Variants in STK39 observed in about 807,000 individuals in gnomAD.
The protein encoded by STK39 is STE20/SPS1-related proline-alanine-rich protein kinase.
A neutral mutation model predicts 77.8 loss-of-function variants in STK39; 20 were observed. That is an observed-to-expected ratio of 0.26 (90% confidence interval 0.18 to 0.37). The LOEUF is 0.37. Ranked by LOEUF, STK39 falls within the 10% of genes least tolerant of loss-of-function variation. The pLI is 1.00. For missense variants in STK39, 479 were observed against 656.5 expected, an observed-to-expected ratio of 0.73 and a Z score of 2.95; for synonymous variants, 246 against 234.1, an observed-to-expected ratio of 1.05 and a Z score of -0.47.
chr2:167,976,142 C>T (rs1181429783), intron 16 of STK39, among the ~76,000 whole-genome samples: 1 of 152,152 alleles, frequency 6.6e-6, no homozygotes, highest in African/African-American at 2.4e-5. Context: ...GTATAGTCAC[C>T]TTAGAAGATA....
intron 17 of STK39, among the ~76,000 whole-genome samples, chr2:167,960,694 ACCTGGCGTCAC>A (rs1691930110): frequency 6.6e-6 from 1 of 152,052 alleles, no homozygotes; most frequent in Non-Finnish European, 1.5e-5. Flanking sequence ...AGTTATGGTT[ACCTGGCGTCAC>A]TGAAAAGGAA....
At chr2:167,997,439 A>T (rs1683875845) in intron 16 of STK39, among the ~76,000 whole-genome samples, 1 of 152,168 alleles carries the variant, frequency 6.6e-6, no homozygotes, top group Non-Finnish European at 1.5e-5. Context: ...CCTGGAGGCC[A>T]GGCATCCTGC....
intron 2 of STK39, 105 bp downstream of exon 2, chr2:168,181,873 C>T: frequency 1.1e-6 from 1 of 895,104 alleles, no homozygotes; most frequent in South Asian, 1.5e-5. Context: ...CCAAGAAATG[C>T]ATATGTCAAA....
chr2:167,978,584 C>T (rs1321240913), intron 16 of STK39, among the ~76,000 whole-genome samples: 1 of 152,198 alleles, frequency 6.6e-6, no homozygotes, highest in Non-Finnish European at 1.5e-5. Context: ...ATGTAAGCAG[C>T]TTAGGGATGA....
chr2:168,230,884 T>C (rs1229957893), intron 1 of STK39, among the ~76,000 whole-genome samples: 1 of 152,204 alleles, frequency 6.6e-6, no homozygotes, highest in Non-Finnish European at 1.5e-5. Flanking sequence ...CTGCTCAGGT[T>C]TGAGGTCTCT....
chr2:167,997,334 C>T (rs1051758729), intron 16 of STK39, among the ~76,000 whole-genome samples: 3 of 151,840 alleles, frequency 2.0e-5, no homozygotes, highest in Admixed American at 6.6e-5. Flanking sequence ...CTGACTGATA[C>T]GGTATTTTGT....
At chr2:168,243,571 A>C (rs1690826453) in intron 1 of STK39, among the ~76,000 whole-genome samples, 1 of 152,222 alleles carries the variant, frequency 6.6e-6, no homozygotes, top group African/African-American at 2.4e-5. Context: ...ATCCTGCAAA[A>C]ACCCTAAGAA....
rs1208814694 is a variant in STK39 at position 168,207,707 on chromosome 2, T to A, written c.209-25617A>T. On this transcript the variant is annotated intron_variant, in intron 1 of 17. Coordinates refer to ENST00000355999, the MANE Select transcript of STK39 (RefSeq NM_013233.3). ...ATGAACATGACAATGATGCTAATGG[T>A]TAACTAAAATTTACTGAGCAATAAA... Among the ~76,000 whole-genome samples, 3 of 152,348 alleles carry A rather than the reference T, an allele frequency of 2.0e-5. No individual in the cohort carries two copies. The East Asian group carries it at 5.8e-4, about 29-fold the overall frequency.
intron 5 of STK39, among the ~76,000 whole-genome samples, chr2:168,160,090 A>AGG (rs1457019370): frequency 6.6e-6 from 1 of 152,206 alleles, no homozygotes; most frequent in Non-Finnish European, 1.5e-5. Context: ...GCTCAGGGAG[A>AGG]GGCTCGGATC....
intron 1 of STK39, among the ~76,000 whole-genome samples, chr2:168,237,848 A>G (rs185869731): frequency 0.017 from 2,573 of 152,044 alleles, 86 homozygotes; most frequent in African/African-American, 0.059. Context: ...ACTTATAAAA[A>G]CCAGCCATGA....
chr2:167,969,894 T>C (rs1383620048), intron 16 of STK39, among the ~76,000 whole-genome samples: 3 of 152,210 alleles, frequency 2.0e-5, no homozygotes, highest in African/African-American at 7.2e-5. Flanking sequence ...GTCTCTACAA[T>C]GGTCTACCAA....
intron 10 of STK39, chr2:168,112,910 C>G (rs902754591): frequency 6.6e-6 from 1 of 152,222 alleles, no homozygotes; most frequent in African/African-American, 2.4e-5. Flanking sequence ...CTCACTATAC[C>G]TACTCACCGT....
chr2:168,214,864 GA>G (rs1384972736), intron 1 of STK39, among the ~76,000 whole-genome samples: 2 of 152,168 alleles, frequency 1.3e-5, no homozygotes, highest in Non-Finnish European at 2.9e-5. Context: ...CTCTACACTG[GA>G]AATCCAAAAG....
At chr2:168,091,044 T>C (rs184267782) in intron 10 of STK39, among the ~76,000 whole-genome samples, 11 of 152,184 alleles carry the variant, frequency 7.2e-5, no homozygotes, top group African/African-American at 2.2e-4. Flanking sequence ...AACAGACCCA[T>C]GTTGGTTCAC....
At chr2:168,056,685 C>T (rs925961038) in intron 14 of STK39, among the ~76,000 whole-genome samples, 2 of 152,044 alleles carry the variant, frequency 1.3e-5, no homozygotes, top group African/African-American at 2.4e-5. Context: ...CATATGCAGG[C>T]GTATATGTGT....
At chr2:168,085,152 A>T (rs183792229) in intron 10 of STK39, among the ~76,000 whole-genome samples, 21 of 152,368 alleles carry the variant, frequency 1.4e-4, no homozygotes, top group Non-Finnish European at 2.8e-4. Flanking sequence ...TACAAAATAA[A>T]AAGAGGCCTT....
chr2:168,214,114 T>TA (rs1435898292), intron 1 of STK39, among the ~76,000 whole-genome samples: 3 of 152,118 alleles, frequency 2.0e-5, no homozygotes, highest in African/African-American at 7.2e-5. Flanking sequence ...CTCCACATCC[T>TA]AAGCTGTCAT....
intron 6 of STK39, 45 bp from the exon 7 acceptor site, chr2:168,140,435 G>T: frequency 6.6e-7 from 1 of 1,503,918 alleles, no homozygotes; most frequent in Non-Finnish European, 9.3e-7. Context: ...CAGCAGGCAT[G>T]TTACACATCA....
chr2:167,961,589 A>C lies in STK39; in HGVS notation c.1563+3073T>G, dbSNP rs1306682313. On this transcript the variant is annotated intron_variant, in intron 17 of 17. Transcript: ENST00000355999. The stretch of plus-strand genomic sequence containing the variant: ...TACAACAATAAAACACTACTAAAAA[A>C]AAATACATCAAACTCAAAGCACATA... Among the ~76,000 whole-genome samples, 10 of 152,328 alleles carry C rather than the reference A, an allele frequency of 6.6e-5. No homozygotes were observed. The East Asian group carries it at 1.9e-3, about 29-fold the overall frequency.
Sources: gnomAD v4.1 joint callset for allele counts (sites outside exome capture counted in the v4.1 genomes callset) on GRCh38, gnomAD v4.1.1 for gene constraint, MANE v1.5 for transcripts, NCBI Gene and HGNC (gene_info 2026-07-23, HGNC 2026-07-21) for gene names.